Variants in PPP3CA observed in about 807,000 individuals in gnomAD.
PPP3CA encodes CAM-PRP catalytic subunit.
Under a neutral mutation model 66.5 loss-of-function variants are expected in PPP3CA, and 14 were observed. The ratio of observed to expected loss-of-function variants is 0.21; its 90% CI spans 0.14 to 0.33. PPP3CA has a LOEUF of 0.33. PPP3CA is among the 10% of genes least tolerant of loss of function. The probability of loss-of-function intolerance (pLI) is 1.00; values close to 1 mark genes in which losing one functional copy is unlikely to be tolerated. For missense variants in PPP3CA, 317 were observed against 639.5 expected (o/e 0.50, Z 5.44); for synonymous variants, 232 against 226.2 (o/e 1.03, Z -0.23).
intron 2 of PPP3CA, among the ~76,000 whole-genome samples, chr4:101,149,616 T>C (rs761641507): frequency 2.1e-4 from 32 of 152,312 alleles, no homozygotes; most frequent in Admixed American, 6.5e-4. Flanking sequence ...CTCAACTTAA[T>C]GATTTTCTCT....
At chr4:101,317,934 C>T (rs1270093097) in intron 1 of PPP3CA, among the ~76,000 whole-genome samples, 1 of 152,112 alleles carries the variant, frequency 6.6e-6, no homozygotes, top group East Asian at 1.9e-4. Context: ...CTTGGAGTTG[C>T]CCTCGGTATT....
rs559480729 is a variant in PPP3CA, at chr4:101,195,453, G to C, written c.259+463C>G. ...GTACTGTGATTCAGTAGGCTGGAGTGGGGCCTAAGAATGCATATTTTAACA... is the reference window on the plus strand; with the variant it reads ...GTACTGTGATTCAGTAGGCTGGAGTCGGGCCTAAGAATGCATATTTTAACA... On this transcript the variant is annotated intron_variant, in intron 2 of 13. Transcript: ENST00000394854. Among the ~76,000 whole-genome samples, 358 of 152,152 alleles carry C rather than the reference G, an allele frequency of 2.4e-3. 3 individuals carry two copies. Among genetic ancestry groups the C allele is most frequent in the Middle Eastern group, 0.01 (3 of 294 alleles).
chr4:101,324,214 A>AAGGAAGGAAGGC (rs1729140005), intron 1 of PPP3CA, among the ~76,000 whole-genome samples: 1 of 139,440 alleles, frequency 7.2e-6, no homozygotes, highest in Non-Finnish European at 1.6e-5. Context: ...GGAAGGAAGG[A>AAGGAAGGAAGGC]AGGAAGGAAA....
At chr4:101,191,867 C>T (rs2659509) in intron 2 of PPP3CA, among the ~76,000 whole-genome samples, 3 of 152,038 alleles carry the variant, frequency 2.0e-5, no homozygotes, top group Non-Finnish European at 2.9e-5. Flanking sequence ...TGGCAGGCCC[C>T]GGCACTGAGG....
At chr4:101,128,233 T>C (rs1228634929) in intron 2 of PPP3CA, among the ~76,000 whole-genome samples, 1 of 152,150 alleles carries the variant, frequency 6.6e-6, no homozygotes, top group African/African-American at 2.4e-5. Flanking sequence ...ATGACTAGAA[T>C]TAATATTTTA....
At chr4:101,322,971 A>G (rs1729089209) in intron 1 of PPP3CA, among the ~76,000 whole-genome samples, 1 of 152,186 alleles carries the variant, frequency 6.6e-6, no homozygotes, top group Non-Finnish European at 1.5e-5. Flanking sequence ...ATGTGTGTAT[A>G]TATGTATCAA....
chr4:101,346,933 G>C lies in PPP3CA; in HGVS notation c.-137C>G. ...GCAAACCGCTCGGCTGGAGGTCTAG[G>C]CTCTGAGCTGGCTTTAAAGTTGCTG... On this transcript the variant is annotated 5_prime_UTR_variant, in exon 1 of 14. Transcript: ENST00000394854. 1 of 1,003,074 alleles carries C rather than the reference G, an allele frequency of 1.0e-6. No homozygotes were observed. Among genetic ancestry groups the C allele is most frequent in the Non-Finnish European group, 1.5e-6 (1 of 670,826 alleles). 62.1% of individuals were successfully genotyped at this position (1,003,074 alleles called of 1,614,324 possible).
intron 1 of PPP3CA, among the ~76,000 whole-genome samples, chr4:101,322,570 C>T (rs994277942): frequency 3.9e-5 from 6 of 151,938 alleles, no homozygotes; most frequent in Non-Finnish European, 7.4e-5. Flanking sequence ...ACTAAACACC[C>T]GGCTAATTTT....
At chr4:101,085,140 C>T (rs1729607927) in intron 6 of PPP3CA, among the ~76,000 whole-genome samples, 1 of 152,214 alleles carries the variant, frequency 6.6e-6, no homozygotes, top group Admixed American at 6.5e-5. Context: ...ATAAAAGGCC[C>T]AGCTAAGGGG....
chr4:101,241,894 G>A (rs1230422352), intron 1 of PPP3CA, among the ~76,000 whole-genome samples: 3 of 152,066 alleles, frequency 2.0e-5, no homozygotes, highest in Non-Finnish European at 2.9e-5. Context: ...AAATGTTACA[G>A]TACATGACCA....
chr4:101,254,506 A>G (rs1193970400), intron 1 of PPP3CA, among the ~76,000 whole-genome samples: 1 of 151,912 alleles, frequency 6.6e-6, no homozygotes, highest in African/African-American at 2.4e-5. Flanking sequence ...AATGGTAATC[A>G]TATTACCTAA....
chr4:101,287,640 G>T (rs1727886194), intron 1 of PPP3CA, among the ~76,000 whole-genome samples: 1 of 152,098 alleles, frequency 6.6e-6, no homozygotes, highest in South Asian at 2.1e-4. Context: ...TCATTCTACA[G>T]CCAGGACAAG....
intron 2 of PPP3CA, among the ~76,000 whole-genome samples, chr4:101,145,966 G>T (rs929724552): frequency 6.6e-6 from 1 of 151,978 alleles, no homozygotes. Context: ...TTTGAACTAC[G>T]TTTCACATTT....
At chr4:101,070,511 C>T (rs1212377121) in intron 8 of PPP3CA, among the ~76,000 whole-genome samples, 1 of 152,152 alleles carries the variant, frequency 6.6e-6, no homozygotes, top group African/African-American at 2.4e-5. Flanking sequence ...GCAAATATTT[C>T]TCCTTATTTA....
chr4:101,290,845 C>A (rs1176268372), intron 1 of PPP3CA, among the ~76,000 whole-genome samples: 1 of 152,184 alleles, frequency 6.6e-6, no homozygotes, highest in Non-Finnish European at 1.5e-5. Flanking sequence ...TGGGGCCAGA[C>A]TGACATAACC....
chr4:101,207,143 A>T (rs1352609606), intron 1 of PPP3CA, among the ~76,000 whole-genome samples: 1 of 152,210 alleles, frequency 6.6e-6, no homozygotes, highest in African/African-American at 2.4e-5. Flanking sequence ...ATGATGCAAA[A>T]TTATCCCTGT....
chr4:101,129,561 A>G (rs1722360550), intron 2 of PPP3CA, among the ~76,000 whole-genome samples: 1 of 152,152 alleles, frequency 6.6e-6, no homozygotes, highest in Admixed American at 6.5e-5. Context: ...ACAAGCAGCA[A>G]TCTGTTGTTC....
At chr4:101,091,374 A>G (rs1312254091) in intron 6 of PPP3CA, among the ~76,000 whole-genome samples, 1 of 152,198 alleles carries the variant, frequency 6.6e-6, no homozygotes, top group Non-Finnish European at 1.5e-5. Flanking sequence ...TAGCCTTTTC[A>G]GAAATATTAT....
In PPP3CA at chr4:101,196,094, G is replaced by A. The variant is rs776490146; in HGVS notation, c.81C>T (p.His27=). The change falls in exon 2 of 14, where the codon CAC becomes CAT. Residue 27 remains histidine, a synonymous_variant. Transcript: ENST00000394854. ...CAAACACTTCTTTTGCTGTAAGCCG[G>A]TGACTTGGAGGAAATGGAACAGCTG... ...VVKAVPFPPS[H]RLTAKEVFDN... is the part of the protein sequence containing the mutation. 1.1e-5 allele frequency: 18 copies of A among 1,613,716 alleles called. No individual in the cohort carries two copies. Among genetic ancestry groups the A allele is most frequent in the South Asian group, 3.3e-5 (3 of 91,082 alleles).
Sources: gnomAD v4.1 joint callset for allele counts (sites outside exome capture counted in the v4.1 genomes callset) on GRCh38, gnomAD v4.1.1 for gene constraint, MANE v1.5 for transcripts, NCBI Gene and HGNC (gene_info 2026-07-23, HGNC 2026-07-21) for gene names.